GLYATL2: variants seen among roughly 807,000 people sequenced by gnomAD.
The protein encoded by GLYATL2 is glycine-N-acyltransferase like 2.
A neutral mutation model predicts 21.4 loss-of-function variants in GLYATL2; 25 were observed. That is an observed-to-expected ratio of 1.17 (90% CI 0.85 to 1.63). The LOEUF is 1.63. Among genes scored for constraint, GLYATL2 ranks in the 40% most tolerant of loss-of-function variants. GLYATL2 has a pLI of 0.00. For synonymous variants in GLYATL2, 114 were observed against 118.2 expected (o/e 0.96, Z 0.23); for missense variants, 361 against 343.3 (o/e 1.05, Z -0.41).
intron 1 of GLYATL2, among the ~76,000 whole-genome samples, chr11:58,903,224 A>G (rs771844210): frequency 3.3e-5 from 5 of 152,184 alleles, no homozygotes; most frequent in African/African-American, 9.7e-5. Flanking sequence ...TTGGAGTACC[A>G]TTACAAAGGG....
chr11:58,835,442 C>A (rs1036244694), intron 5 of GLYATL2, among the ~76,000 whole-genome samples: 5 of 152,078 alleles, frequency 3.3e-5, no homozygotes, highest in African/African-American at 1.2e-4. Context: ...TGATTATTTT[C>A]TTTTGGAAAG....
In GLYATL2 at chr11:58,884,321, GTCTCAGGGAAAAA is replaced by G. The variant is rs1854397623; in HGVS notation, n.60+19822_60+19834del. Among the ~76,000 whole-genome samples, 4 of 152,296 alleles carry G rather than the reference GTCTCAGGGAAAAA, an allele frequency of 2.6e-5. No homozygotes were observed. In the South Asian group the frequency reaches 8.3e-4, roughly 32 times the overall value. On this transcript the variant is annotated intron_variant and non_coding_transcript_variant, in intron 1 of 4. Transcript: ENST00000533636. ...GATTGTATATTTAGAAAACCCCATT[GTCTCAGGGAAAAA>G]TCTTAAGCTGTTAAGGAACTTCAGC...
In GLYATL2 at chr11:58,837,019, T is replaced by A; in HGVS notation, c.472A>T (p.Asn158Tyr). Reference sequence around the variant, plus strand: ...AAGCAAAAGGTAAAATCTCACTTGTTATCATCATCCACTTCAAATAACTCC... The same window carrying A: ...AAGCAAAAGGTAAAATCTCACTTGTAATCATCATCCACTTCAAATAACTCC... ...KMELFEVDDD[N>Y]KEGNFSNMFL... is the part of the protein sequence containing the mutation. The change falls in exon 5 of 6, where the codon AAC becomes TAC. Residue 158 changes from asparagine (N) to tyrosine (Y), a missense_variant. Physicochemically the swap from Asn to Tyr is moderately radical, Grantham distance 143. Coordinates refer to ENST00000287275, the MANE Select transcript of GLYATL2 (RefSeq NM_145016.4). 6.8e-6 allele frequency: 11 copies of A among 1,611,756 alleles called. No individual in the cohort carries two copies. The highest frequency in any genetic ancestry group is 9.3e-6 in the Non-Finnish European group (11 of 1,179,116).
At chr11:58,850,470 A>T (rs1399566814) in intron 1 of GLYATL2, among the ~76,000 whole-genome samples, 3 of 152,072 alleles carry the variant, frequency 2.0e-5, no homozygotes, top group African/African-American at 7.2e-5. Context: ...TGTAGCAATT[A>T]CTCTTTATTC....
intron 1 of GLYATL2, among the ~76,000 whole-genome samples, chr11:58,861,262 G>A (rs764445857): frequency 4.6e-5 from 7 of 151,610 alleles, no homozygotes; most frequent in Non-Finnish European, 1.0e-4. Context: ...CTTATTTAAC[G>A]TCCTTACTCA....
chr11:58,840,309 A>G (rs927709094), intron 1 of GLYATL2, among the ~76,000 whole-genome samples: 1 of 152,170 alleles, frequency 6.6e-6, no homozygotes, highest in African/African-American at 2.4e-5. Context: ...ACTCATCCCA[A>G]GGAAATAATA....
At chr11:58,908,227 A>T (rs915221880), upstream of GLYATL2, 1 of 152,200 alleles carries the variant, frequency 6.6e-6, no homozygotes, top group Middle Eastern at 3.2e-3. Flanking sequence ...CCTCCCTGAG[A>T]TATGCCTTGG....
intron 1 of GLYATL2, among the ~76,000 whole-genome samples, chr11:58,879,045 G>A (rs189461991): frequency 2.6e-5 from 4 of 152,268 alleles, no homozygotes; most frequent in Non-Finnish European, 1.5e-5. Flanking sequence ...TGGGACATGG[G>A]GAGGTTTTTC....
intron 1 of GLYATL2, among the ~76,000 whole-genome samples, chr11:58,870,246 G>GTAATAGAGTTTTCTATAGGTC (rs1306589567): frequency 2.0e-5 from 3 of 152,138 alleles, no homozygotes; most frequent in African/African-American, 4.8e-5. Context: ...CTTAAAGAAG[G>GTAATAGAGTTTTCTATAGGTC]TAATAGAGTT....
chr11:58,839,976 T>C (rs956820262), intron 1 of GLYATL2, among the ~76,000 whole-genome samples: 1 of 151,970 alleles, frequency 6.6e-6, no homozygotes, highest in African/African-American at 2.4e-5. Flanking sequence ...CAGGCACAAA[T>C]AAAAAATAAT....
intron 1 of GLYATL2, among the ~76,000 whole-genome samples, chr11:58,872,341 A>G (rs1294016409): frequency 6.6e-6 from 1 of 152,182 alleles, no homozygotes; most frequent in African/African-American, 2.4e-5. Context: ...TTGGTGTTTT[A>G]GACATGAAGT....
intron 1 of GLYATL2, among the ~76,000 whole-genome samples, chr11:58,892,028 C>T (rs570387756): frequency 5.9e-5 from 9 of 152,266 alleles, no homozygotes; most frequent in African/African-American, 2.2e-4. Context: ...TTAACAAACT[C>T]CAGTTACACA....
At chr11:58,897,563 A>G (rs896103129) in intron 1 of GLYATL2, among the ~76,000 whole-genome samples, 3 of 151,912 alleles carry the variant, frequency 2.0e-5, no homozygotes, top group South Asian at 4.1e-4. Flanking sequence ...ACACGGACGC[A>G]CACACACACA....
At chr11:58,886,268 AT>A (rs200056372) in intron 1 of GLYATL2, among the ~76,000 whole-genome samples, 1,914 of 152,296 alleles carry the variant, frequency 0.013, 11 homozygotes, top group South Asian at 0.039. Context: ...ACGACTCATA[AT>A]TACTGTGTGT....
intron 1 of GLYATL2, among the ~76,000 whole-genome samples, chr11:58,859,367 T>A (rs1468265113): frequency 6.6e-6 from 1 of 152,000 alleles, no homozygotes; most frequent in Non-Finnish European, 1.5e-5. Context: ...TTTATGGGTG[T>A]GATAGAGTTT....
intron 1 of GLYATL2, among the ~76,000 whole-genome samples, chr11:58,876,703 G>A (rs1056203347): frequency 7.2e-5 from 11 of 152,292 alleles, no homozygotes; most frequent in African/African-American, 2.6e-4. Context: ...GCCCCTACTG[G>A]GGGGTGCCTC....
intron 1 of GLYATL2, among the ~76,000 whole-genome samples, chr11:58,882,453 T>A (rs551634145): frequency 2.0e-5 from 3 of 152,354 alleles, no homozygotes; most frequent in Non-Finnish European, 4.4e-5. Context: ...TATAAATTTT[T>A]CTGAGTTCAG....
intron 1 of GLYATL2, among the ~76,000 whole-genome samples, chr11:58,870,539 A>G (rs751795327): frequency 3.3e-5 from 5 of 152,226 alleles, no homozygotes; most frequent in Non-Finnish European, 7.3e-5. Context: ...AGAAAAGACT[A>G]AAGACATTCT....
chr11:58,835,773 A>T (rs1410143655), intron 5 of GLYATL2, among the ~76,000 whole-genome samples: 1 of 152,158 alleles, frequency 6.6e-6, no homozygotes, highest in Non-Finnish European at 1.5e-5. Flanking sequence ...AGATACCAAG[A>T]TATCCATGTA....
Sources: allele counts gnomAD v4.1 joint callset (sites outside exome capture counted in the v4.1 genomes callset), GRCh38; gene constraint gnomAD v4.1.1; transcripts MANE v1.5; gene names NCBI Gene and HGNC (gene_info 2026-07-23, HGNC 2026-07-21).